HPCAL1: variants seen among roughly 807,000 people sequenced by gnomAD.
HPCAL1 encodes the protein hippocalcin like 1, also known as hippocalcin-like protein 1.
HPCAL1 carries 8 observed loss-of-function variants against 17.1 expected under a neutral mutation model. The observed-to-expected ratio is 0.47, with a 90% confidence interval of 0.27 to 0.84. HPCAL1 has a LOEUF of 0.84. Ranked by LOEUF, HPCAL1 falls within the 40% of genes least tolerant of loss-of-function variation. The probability of loss-of-function intolerance (pLI) is 0.13; values close to 1 mark genes in which losing one functional copy is unlikely to be tolerated. For missense variants in HPCAL1, 165 were observed against 271.1 expected, an observed-to-expected ratio of 0.61 and a Z score of 2.75; for synonymous variants, 112 against 111.4, an observed-to-expected ratio of 1.01 and a Z score of -0.03.
chr2:10,307,796 A>G (rs977694926), intron 1 of HPCAL1, among the ~76,000 whole-genome samples: 2 of 152,216 alleles, frequency 1.3e-5, no homozygotes, highest in African/African-American at 4.8e-5. Flanking sequence ...CCCTTGGCCC[A>G]GAGAATGCTT....
At chr2:10,319,652 C>T (rs531672547) in intron 1 of HPCAL1, among the ~76,000 whole-genome samples, 133 of 151,834 alleles carry the variant, frequency 8.8e-4, no homozygotes, top group African/African-American at 2.7e-3. Flanking sequence ...AAGCAGAGAC[C>T]GGGCCTGGAG....
chr2:10,410,462 A>G (rs1294683550), intron 2 of HPCAL1, among the ~76,000 whole-genome samples: 7 of 9,186 alleles, frequency 7.6e-4, no homozygotes, highest in Non-Finnish European at 2.2e-3. Context: ...TTTTTTTTTT[A>G]CAATTCAGCA....
intron 1 of HPCAL1, among the ~76,000 whole-genome samples, chr2:10,383,063 A>G (rs541801227): frequency 6.6e-6 from 1 of 152,250 alleles, no homozygotes; most frequent in East Asian, 1.9e-4. Context: ...TTACCATTAG[A>G]GTCTGCAACT....
chr2:10,419,652 GC>G lies in HPCAL1; in HGVS notation c.-24-81del. 2 of 1,370,444 alleles carry G rather than the reference GC, an allele frequency of 1.5e-6. No homozygotes were observed. Among genetic ancestry groups the G allele is most frequent in the Non-Finnish European group, 2.0e-6 (2 of 1,021,094 alleles). 84.9% of individuals were successfully genotyped at this position (1,370,444 alleles called of 1,614,324 possible). A position where few individuals can be genotyped will look rare whatever the true frequency, so the allele number is the denominator to read the frequency against. On this transcript the variant is annotated intron_variant, in intron 2 of 4. Coordinates refer to ENST00000307845, the MANE Select transcript of HPCAL1 (RefSeq NM_002149.4). The surrounding 1 kb of genome is among the most constrained non-coding windows in gnomAD (Gnocchi z 5.0). ...AGTCGCAGCGCTTGCACAGCGATGG[GC>G]TTATTTGGTCTCTCCGGCACATGGC...
At chr2:10,312,203 TCATCATCAACATC>T (rs1409681626) in intron 1 of HPCAL1, among the ~76,000 whole-genome samples, 1 of 24,932 alleles carries the variant, frequency 4.0e-5, no homozygotes, top group Non-Finnish European at 9.9e-5. Flanking sequence ...ATCATCACTG[TCATCATCAACATC>T]CATCATCACT....
intron 1 of HPCAL1, among the ~76,000 whole-genome samples, chr2:10,358,399 C>T (rs372385140): frequency 2.0e-5 from 3 of 152,186 alleles, no homozygotes; most frequent in South Asian, 2.1e-4. Context: ...GGGTCCCTGT[C>T]GAGGGCTCCA....
intron 1 of HPCAL1, among the ~76,000 whole-genome samples, chr2:10,355,696 C>G (rs1558481859): frequency 6.6e-6 from 1 of 152,092 alleles, no homozygotes. Flanking sequence ...CGTTCTTGCC[C>G]ACTGTCCAGG....
chr2:10,336,624 G>T (rs1470152277), intron 1 of HPCAL1, among the ~76,000 whole-genome samples: 1 of 152,234 alleles, frequency 6.6e-6, no homozygotes, highest in African/African-American at 2.4e-5. Context: ...ATCACCTGTT[G>T]GTTGTGGCTC....
intron 1 of HPCAL1, among the ~76,000 whole-genome samples, chr2:10,376,430 A>G (rs938115681): frequency 7.5e-6 from 1 of 134,060 alleles, no homozygotes; most frequent in African/African-American, 3.1e-5. Context: ...ACTTGACTTT[A>G]CAAAAAAAAT....
chr2:10,365,479 G>A lies in HPCAL1; in HGVS notation c.-110-31356G>A, dbSNP rs1409937012. Among the ~76,000 whole-genome samples the A allele has an allele frequency of 6.6e-6, 1 of 152,184 alleles. No homozygotes were observed. The highest frequency in any genetic ancestry group is 1.5e-5 in the Non-Finnish European group (1 of 68,026). On this transcript the variant is annotated intron_variant, in intron 1 of 4. Transcript: ENST00000307845. The surrounding 1 kb of genome is among the most constrained non-coding windows in gnomAD (Gnocchi z 4.8). ...GAGGTAGAGCGGGTCGAAGGCTTGC[G>A]GAGGGACAGGTGGGTCTCCCATGGA... is the stretch of plus-strand genomic sequence containing the variant.
Position 10,398,423 on chromosome 2 carries a change from G to C in HPCAL1, c.-25+1503G>C, listed in dbSNP as rs181825185. ...GAACCACCTTTGAATACTCAGCCAG[G>C]CTAAAATTTGGACCCAAAACCTGTT... On this transcript the variant is annotated intron_variant, in intron 2 of 4. Coordinates refer to ENST00000307845, the MANE Select transcript of HPCAL1 (RefSeq NM_002149.4). 1.6e-4 allele frequency among the ~76,000 whole-genome samples: 24 copies of C among 152,318 alleles called. No individual in the cohort carries two copies. In the East Asian group the frequency reaches 4.2e-3, roughly 27 times the overall value.
chr2:10,420,141 G>A lies in HPCAL1; in HGVS notation c.378+6G>A, dbSNP rs143407085. ...AGATGCTGGAGATCGTGCAGGTACC[G>A]GCGCCCGAGGCCCCGGGTCTCACCG... On this transcript the variant is annotated splice_donor_region_variant and intron_variant, in intron 3 of 4. Coordinates refer to ENST00000307845, the MANE Select transcript of HPCAL1 (RefSeq NM_002149.4). The A allele has an allele frequency of 0.012, 18,874 of 1,601,326 alleles. 167 individuals are homozygous for A. Among genetic ancestry groups the A allele is most frequent in the South Asian group, 0.018 (1,629 of 90,214 alleles).
intron 1 of HPCAL1, chr2:10,303,865 C>T (rs1344552294): frequency 6.6e-6 from 1 of 152,356 alleles, no homozygotes; most frequent in Non-Finnish European, 1.5e-5. Context: ...ATGAGGACAG[C>T]TCCTCCCTTG....
At position 10,310,053 on chromosome 2, in the gene HPCAL1, G is replaced by A. The variant is rs1662854406; in HGVS notation, c.-111+6876G>A. Reference sequence around the variant, plus strand: ...TGTAGTCTTTGCTCTGTTGTTTATTGGCTGGTGATGGTCTCTGAATCTGTT... The same window carrying A: ...TGTAGTCTTTGCTCTGTTGTTTATTAGCTGGTGATGGTCTCTGAATCTGTT... On this transcript the variant is annotated intron_variant, in intron 1 of 4. Transcript: ENST00000307845. This position sits in a 1 kb window ranked among gnomAD's most constrained non-coding sequence, Gnocchi z 4.5. Among the ~76,000 whole-genome samples, 2 of 152,180 alleles carry A rather than the reference G, an allele frequency of 1.3e-5. No individual in the cohort carries two copies. Among genetic ancestry groups the A allele is most frequent in the African/African-American group, 2.4e-5 (1 of 41,434 alleles).
rs1662515188 is a variant in HPCAL1, at chr2:10,304,806, A to G, written c.-111+1629A>G. Among the ~76,000 whole-genome samples the G allele has an allele frequency of 6.6e-6, 1 of 152,058 alleles. No homozygotes were observed. The highest frequency in any genetic ancestry group is 6.5e-5 in the Admixed American group (1 of 15,274). ...TGGGGGAAAAAAATCGCCTTTAACC[A>G]AGGGAGCCAAGATCTCACCAGTGCA... On this transcript the variant is annotated intron_variant, in intron 1 of 4. Coordinates refer to ENST00000307845, the MANE Select transcript of HPCAL1 (RefSeq NM_002149.4). The surrounding 1 kb of genome is among the most constrained non-coding windows in gnomAD (Gnocchi z 4.1).
chr2:10,393,655 A>G (rs1668838442), intron 1 of HPCAL1, among the ~76,000 whole-genome samples: 1 of 152,118 alleles, frequency 6.6e-6, no homozygotes, highest in Non-Finnish European at 1.5e-5. Flanking sequence ...GAAGCTGGAG[A>G]CAGTGGGGCC....
chr2:10,412,155 C>T (rs917939351), intron 2 of HPCAL1, among the ~76,000 whole-genome samples: 1 of 152,234 alleles, frequency 6.6e-6, no homozygotes, highest in Non-Finnish European at 1.5e-5. Flanking sequence ...TCCACGCAGT[C>T]ACGCAAGGAC....
At chr2:10,403,076 A>G (rs1267498889) in intron 2 of HPCAL1, among the ~76,000 whole-genome samples, 5 of 152,112 alleles carry the variant, frequency 3.3e-5, no homozygotes, top group Non-Finnish European at 5.9e-5. Flanking sequence ...TTTCTCAAGC[A>G]GGGACCTGGC....
At chr2:10,356,007 G>C (rs1269776542) in intron 1 of HPCAL1, among the ~76,000 whole-genome samples, 1 of 152,142 alleles carries the variant, frequency 6.6e-6, no homozygotes, top group East Asian at 1.9e-4. Flanking sequence ...TTCACCCCAG[G>C]GACCGCACAG....
Sources: gnomAD v4.1 joint callset for allele counts (sites outside exome capture counted in the v4.1 genomes callset) on GRCh38, gnomAD v4.1.1 for gene constraint, Gnocchi (gnomAD v3.1) non-coding constraint, MANE v1.5 for transcripts, NCBI Gene and HGNC (gene_info 2026-07-23, HGNC 2026-07-21) for gene names.